The following STYX variants were observed in gnomAD, a reference collection of about 807,000 sequenced individuals.
STYX encodes the protein serine/threonine/tyrosine interacting protein.
A neutral mutation model predicts 42.7 loss-of-function variants in STYX; 20 were observed. The observed-to-expected ratio is 0.47, with a 90% CI of 0.33 to 0.68. The LOEUF is 0.68. Ranked by LOEUF, STYX falls within the 30% of genes least tolerant of loss-of-function variation. STYX has a pLI of 0.02. For missense variants in STYX, 226 were observed against 268.5 expected (o/e 0.84, Z 1.11); for synonymous variants, 78 against 81.9 (o/e 0.95, Z 0.26).
chr14:52,763,172 G>A (rs1447331650), intron 9 of STYX, among the ~76,000 whole-genome samples: 3 of 152,058 alleles, frequency 2.0e-5, no homozygotes, highest in Non-Finnish European at 2.9e-5. Flanking sequence ...GGTTACAGAT[G>A]TGAGCCACTG....
intron 6 of STYX, 129 bp from the exon 7 acceptor site, chr14:52,757,611 TAAC>T: frequency 1.2e-6 from 1 of 868,568 alleles, no homozygotes; most frequent in Non-Finnish European, 1.8e-6. Context: ...CAGTTGATAA[TAAC>T]AAATTGTAAA....
chr14:52,750,676 T>TA lies in STYX; in HGVS notation c.145-6dup, dbSNP rs1352509352. On this transcript the variant is annotated splice_region_variant and splice_polypyrimidine_tract_variant and intron_variant, in intron 3 of 10. Coordinates refer to ENST00000354586, the MANE Select transcript of STYX (RefSeq NM_145251.4). ...CCTGTCCTCCCCCTGCTTTTTTTTT[T>TA]ATACAGCTACCTGTACTACAGAAAC... 2.0e-6 allele frequency: 3 copies of TA among 1,530,246 alleles called. No homozygotes were observed. Among genetic ancestry groups the TA allele is most frequent in the East Asian group, 2.3e-5 (1 of 42,812 alleles). 94.8% of individuals were successfully genotyped at this position (1,530,246 alleles called of 1,614,324 possible).
In STYX at chr14:52,757,491, C is replaced by G. The variant is rs1881919800; in HGVS notation, c.340+136C>G. The G allele has an allele frequency of 8.0e-6, 7 of 878,876 alleles. No individual in the cohort carries two copies. In the Admixed American group the frequency reaches 1.4e-4, roughly 17 times the overall value. 54.4% of individuals were successfully genotyped at this position (878,876 alleles called of 1,614,324 possible). A position where few individuals can be genotyped will look rare whatever the true frequency, so the allele number is the denominator to read the frequency against. ...AGCTTACTCCCAAATTTGTATTTTC[C>G]CAATTACTTGTTTCATTTGGATAGG... is the stretch of plus-strand genomic sequence containing the variant. On this transcript the variant is annotated intron_variant, in intron 6 of 10. Coordinates refer to ENST00000354586, the MANE Select transcript of STYX (RefSeq NM_145251.4).
At chr14:52,759,868 C>A in intron 9 of STYX, 114 bp downstream of exon 9, 1 of 663,976 alleles carries the variant, frequency 1.5e-6, no homozygotes, top group Non-Finnish European at 2.6e-6. Flanking sequence ...AATCTGACTA[C>A]TTTGATGCTT....
intron 1 of STYX, among the ~76,000 whole-genome samples, chr14:52,732,016 C>T (rs1055617948): frequency 4.0e-4 from 59 of 149,342 alleles, no homozygotes; most frequent in African/African-American, 1.4e-3. Context: ...GCCTCAAGAT[C>T]CTCCCGCCTT....
chr14:52,740,287 A>G (rs80227669), intron 1 of STYX, among the ~76,000 whole-genome samples: 1 of 152,020 alleles, frequency 6.6e-6, no homozygotes, highest in African/African-American at 2.4e-5. Context: ...TCTCAAAAAG[A>G]AAAAAAAAGT....
chr14:52,770,360 CA>C (rs974551681), intron 10 of STYX, among the ~76,000 whole-genome samples: 1 of 152,114 alleles, frequency 6.6e-6, no homozygotes, highest in South Asian at 2.1e-4. Flanking sequence ...CATTGTTAGG[CA>C]AAAAACACAG....
At chr14:52,747,774 A>G (rs963858769) in intron 3 of STYX, among the ~76,000 whole-genome samples, 89 of 152,170 alleles carry the variant, frequency 5.8e-4, no homozygotes, top group African/African-American at 2.1e-3. Flanking sequence ...GGCGGATTAC[A>G]TGAGGCCAGG....
In STYX at chr14:52,730,210, G is replaced by GTCA; in HGVS notation, c.-265_-264insTCA. On this transcript the variant is annotated 5_prime_UTR_variant, in exon 1 of 11. Coordinates refer to ENST00000354586, the MANE Select transcript of STYX (RefSeq NM_145251.4). The stretch of plus-strand genomic sequence containing the variant: ...GTGCTGGATCCTGGGCGGCCTGAGG[G>GTCA]GTACGGAGACTCTGGGGGAGGGAGA... 1 of 529,622 alleles carries GTCA rather than the reference G, an allele frequency of 1.9e-6. No individual in the cohort carries two copies. Among genetic ancestry groups the GTCA allele is most frequent in the South Asian group, 2.4e-5 (1 of 42,092 alleles). 32.8% of individuals were successfully genotyped at this position (529,622 alleles called of 1,614,324 possible).
intron 4 of STYX, among the ~76,000 whole-genome samples, chr14:52,752,837 C>T (rs947141127): frequency 2.7e-5 from 4 of 149,556 alleles, no homozygotes; most frequent in African/African-American, 4.9e-5. Flanking sequence ...GGTAGAGGGA[C>T]GTATTTTTCT....
rs569544969 is a variant in STYX at position 52,754,393 on chromosome 14, T to C, written c.243-2158T>C. ...ATCGGGCTAATTTTTTTTTTTTTTT[T>C]CTAGAGATGGGGTTTTGCTGTGTTG... On this transcript the variant is annotated intron_variant, in intron 4 of 10. Coordinates refer to ENST00000354586, the MANE Select transcript of STYX (RefSeq NM_145251.4). Among the ~76,000 whole-genome samples the C allele has an allele frequency of 5.8e-3, 868 of 150,940 alleles. 9 individuals carry two copies. Among genetic ancestry groups the C allele is most frequent in the South Asian group, 0.031 (146 of 4,764 alleles).
intron 10 of STYX, 152 bp from the exon 11 acceptor site, chr14:52,770,881 T>G (rs1031291742): frequency 2.2e-5 from 11 of 506,566 alleles, no homozygotes; most frequent in African/African-American, 1.9e-4. Flanking sequence ...TTTAGGTAAT[T>G]TATCACAAAG....
chr14:52,730,635 C>T lies in STYX; in HGVS notation c.57+104C>T, dbSNP rs533267920. ...CTTAGCCGCCACCTGTACGGGCGCCCTGCCTCCTAAGGGCGTCCCGGGACC... is the reference window on the plus strand; with the variant it reads ...CTTAGCCGCCACCTGTACGGGCGCCTTGCCTCCTAAGGGCGTCCCGGGACC... On this transcript the variant is annotated intron_variant, in intron 1 of 10. Coordinates refer to ENST00000354586, the MANE Select transcript of STYX (RefSeq NM_145251.4). 9 of 1,353,330 alleles carry T rather than the reference C, an allele frequency of 6.7e-6. No individual in the cohort carries two copies. In the East Asian group the frequency reaches 1.2e-4, roughly 19 times the overall value. 83.8% of individuals were successfully genotyped at this position (1,353,330 alleles called of 1,614,324 possible).
At chr14:52,746,571 A>G in intron 3 of STYX, 92 bp downstream of exon 3, 2 of 1,093,158 alleles carry the variant, frequency 1.8e-6, no homozygotes, top group Non-Finnish European at 2.6e-6. Flanking sequence ...TATTTTAGGG[A>G]GCATCCACAA....
intron 1 of STYX, 27 bp from the exon 2 acceptor site, chr14:52,744,824 AC>A: frequency 6.2e-7 from 1 of 1,609,670 alleles, no homozygotes; most frequent in Non-Finnish European, 8.5e-7. Flanking sequence ...AATGTTATCT[AC>A]TTTTATTCTT....
chr14:52,758,012 A>G lies in STYX; in HGVS notation c.431+88A>G, dbSNP rs534711905. 5 of 1,391,474 alleles carry G rather than the reference A, an allele frequency of 3.6e-6. No homozygotes were observed. In the East Asian group the frequency reaches 9.3e-5, roughly 26 times the overall value. The allele number at this position is 1,391,474 out of a possible 1,614,324, so 86.2% of individuals were successfully genotyped here. Reference sequence around the variant, plus strand: ...AATAGTTTGGAAGTTTGAAGTTCTTATTCCCCTGATTATTTTTCATGTAGT... The same window carrying G: ...AATAGTTTGGAAGTTTGAAGTTCTTGTTCCCCTGATTATTTTTCATGTAGT... On this transcript the variant is annotated intron_variant, in intron 8 of 10. Transcript: ENST00000354586.
At chr14:52,739,975 C>G (rs766609161) in intron 1 of STYX, among the ~76,000 whole-genome samples, 3 of 152,050 alleles carry the variant, frequency 2.0e-5, no homozygotes, top group Non-Finnish European at 4.4e-5. Context: ...TACCATAACA[C>G]ATTGGTAAGT....
At chr14:52,733,103 TAAC>T (rs887915490) in intron 1 of STYX, among the ~76,000 whole-genome samples, 1 of 152,096 alleles carries the variant, frequency 6.6e-6, no homozygotes, top group African/African-American at 2.4e-5. Flanking sequence ...TGTGCCAAAT[TAAC>T]AACACAGTAG....
At chr14:52,764,929 G>A (rs1385686246) in intron 9 of STYX, among the ~76,000 whole-genome samples, 4 of 152,084 alleles carry the variant, frequency 2.6e-5, no homozygotes, top group East Asian at 1.9e-4. Context: ...TCAGCATCCC[G>A]AAGTGCTGGG....
Sources: gnomAD v4.1 joint callset for allele counts (sites outside exome capture counted in the v4.1 genomes callset) on GRCh38, gnomAD v4.1.1 for gene constraint, MANE v1.5 for transcripts, NCBI Gene and HGNC (gene_info 2026-07-23, HGNC 2026-07-21) for gene names.